Variants in KATNIP observed in about 807,000 individuals in gnomAD.
KATNIP encodes the protein katanin interacting protein, also known as katanin-interacting protein.
A neutral mutation model predicts 174.0 loss-of-function variants in KATNIP; 126 were observed. The ratio of observed to expected loss-of-function variants is 0.72; its 90% CI spans 0.63 to 0.84. The LOEUF (loss-of-function observed/expected upper bound fraction) is 0.84. Among genes scored for constraint, KATNIP ranks in the 40% least tolerant of loss-of-function variants. The pLI is 0.00. For missense variants in KATNIP, 1,958 were observed against 2,109.7 expected, an observed-to-expected ratio of 0.93 and a Z score of 1.41; for synonymous variants, 810 against 835.7, an observed-to-expected ratio of 0.97 and a Z score of 0.53.
chr16:27,693,596 C>G (rs1211936952), intron 8 of KATNIP, among the ~76,000 whole-genome samples: 1 of 151,234 alleles, frequency 6.6e-6, no homozygotes, highest in African/African-American at 2.4e-5. Context: ...ACCATGTTGG[C>G]CAGGCTGGTC....
chr16:27,751,948 T>TG, intron 17 of KATNIP, 24 bp downstream of exon 17: 1 of 1,572,478 alleles, frequency 6.4e-7, no homozygotes, highest in Non-Finnish European at 8.6e-7. Flanking sequence ...TGGGGGGCTG[T>TG]GGGGGGACCC....
rs548429646 is a variant in KATNIP at position 27,572,513 on chromosome 16, G to A, written c.8-1388G>A. On this transcript the variant is annotated intron_variant, in intron 1 of 27. Transcript: ENST00000261588. ...TGGCTGGTAGTAACTCAGCATGACA[G>A]CTCACACACGGAGATAGCCCTGCCC... 2.6e-5 allele frequency among the ~76,000 whole-genome samples: 4 copies of A among 152,056 alleles called. No individual in the cohort carries two copies. In the South Asian group the frequency reaches 8.3e-4, roughly 31 times the overall value.
intron 3 of KATNIP, among the ~76,000 whole-genome samples, chr16:27,626,617 C>A (rs1445174153): frequency 6.6e-6 from 1 of 152,096 alleles, no homozygotes; most frequent in Non-Finnish European, 1.5e-5. Context: ...AGTTCTTTAA[C>A]CTTTCTATGC....
intron 1 of KATNIP, among the ~76,000 whole-genome samples, chr16:27,566,829 A>G (rs955173793): frequency 1.8e-4 from 27 of 152,236 alleles, no homozygotes; most frequent in Admixed American, 1.8e-3. Context: ...GTGCTCAGAA[A>G]GCACTGGAGA....
At chr16:27,588,102 G>T (rs1013426839) in intron 2 of KATNIP, among the ~76,000 whole-genome samples, 2 of 151,748 alleles carry the variant, frequency 1.3e-5, no homozygotes, top group Non-Finnish European at 2.9e-5. Flanking sequence ...ATTTTGCCCA[G>T]GCTGGTCTTG....
At chr16:27,672,334 C>T (rs1193508889) in intron 6 of KATNIP, among the ~76,000 whole-genome samples, 1 of 152,202 alleles carries the variant, frequency 6.6e-6, no homozygotes, top group South Asian at 2.1e-4. Context: ...CCTTCCCTGA[C>T]CACCATTCAT....
chr16:27,647,291 A>C (rs577486852), intron 5 of KATNIP, among the ~76,000 whole-genome samples: 23 of 152,298 alleles, frequency 1.5e-4, no homozygotes, highest in Admixed American at 4.6e-4. Context: ...GGATATCTGC[A>C]GTGTGAGTAT....
At chr16:27,551,441 A>G (rs1180355718) in intron 1 of KATNIP, among the ~76,000 whole-genome samples, 4 of 152,220 alleles carry the variant, frequency 2.6e-5, no homozygotes, top group African/African-American at 7.2e-5. Context: ...TAATGTTGCT[A>G]TAGAACATCA....
intron 2 of KATNIP, among the ~76,000 whole-genome samples, chr16:27,596,327 CA>C (rs2075335320): frequency 6.6e-6 from 1 of 152,030 alleles, no homozygotes; most frequent in Non-Finnish European, 1.5e-5. Flanking sequence ...AGAAAAAAAA[CA>C]AGACCTCTAA....
chr16:27,755,415 T>C (rs2081683441), intron 18 of KATNIP: 1 of 152,138 alleles, frequency 6.6e-6, no homozygotes, highest in Non-Finnish European at 1.5e-5. Flanking sequence ...GGTGTGCTCT[T>C]GTCAGGGAAG....
chr16:27,584,083 C>G lies in KATNIP; in HGVS notation c.63+10127C>G, dbSNP rs1338869161. 3.0e-4 allele frequency among the ~76,000 whole-genome samples: 46 copies of G among 152,094 alleles called. 1 individual carries two copies. Among genetic ancestry groups the G allele is most frequent in the Admixed American group, 3.0e-3 (46 of 15,266 alleles). ...ATATAGAATGGGGATAGTGGCAGCA[C>G]CTGTCTCACTAGGTGGTCAGGGTGC... On this transcript the variant is annotated intron_variant, in intron 2 of 27. Transcript: ENST00000261588.
rs1367735149 is a variant in KATNIP at position 27,777,032 on chromosome 16, A to G, written c.4551+3A>G. 1 of 1,590,778 alleles carries G rather than the reference A, an allele frequency of 6.3e-7. No homozygotes were observed. The highest frequency in any genetic ancestry group is 2.2e-5 in the East Asian group (1 of 44,722). ...ATCGAGGGGTGAAGGAGTTTGGCGT[A>G]AGTACTTATTAGCTGAGTTTTTTGA... On this transcript the variant is annotated splice_donor_region_variant and intron_variant, in intron 25 of 27. Transcript: ENST00000261588. The surrounding 1 kb of genome is among the most constrained non-coding windows in gnomAD (Gnocchi z 4.4).
chr16:27,701,039 A>T (rs1321779094), intron 10 of KATNIP, among the ~76,000 whole-genome samples: 3 of 152,216 alleles, frequency 2.0e-5, no homozygotes, highest in Non-Finnish European at 4.4e-5. Context: ...AAAGAAGGGG[A>T]AAAGGCTCAG....
chr16:27,740,930 A>G lies in KATNIP; in HGVS notation c.2623+10A>G. 3 of 1,580,352 alleles carry G rather than the reference A, an allele frequency of 1.9e-6. No homozygotes were observed. Among genetic ancestry groups the G allele is most frequent in the Non-Finnish European group, 2.6e-6 (3 of 1,163,120 alleles). Reference sequence around the variant, plus strand: ...CAGCCAGCCAGCAGAGGTAAGCTCCAAAGAGCAGCCCGACTTGGGCATCAT... The same window carrying G: ...CAGCCAGCCAGCAGAGGTAAGCTCCGAAGAGCAGCCCGACTTGGGCATCAT... On this transcript the variant is annotated intron_variant, in intron 15 of 27. Transcript: ENST00000261588.
chr16:27,682,945 C>G (rs751172303), intron 8 of KATNIP, among the ~76,000 whole-genome samples: 3 of 152,106 alleles, frequency 2.0e-5, no homozygotes, highest in Non-Finnish European at 4.4e-5. Flanking sequence ...TGCACTGCCT[C>G]GAGACTCTGC....
At chr16:27,619,901 C>T (rs60255468) in intron 3 of KATNIP, among the ~76,000 whole-genome samples, 4,223 of 152,236 alleles carry the variant, frequency 0.028, 203 homozygotes, top group African/African-American at 0.095. Context: ...ATTAGACCGA[C>T]GTGGGTTTCC....
At chr16:27,674,018 G>T (rs2078017345) in intron 6 of KATNIP, among the ~76,000 whole-genome samples, 1 of 152,156 alleles carries the variant, frequency 6.6e-6, no homozygotes, top group Non-Finnish European at 1.5e-5. Flanking sequence ...GGGTGTGGTG[G>T]CTCATACCTG....
intron 2 of KATNIP, among the ~76,000 whole-genome samples, chr16:27,603,572 G>T (rs1475378226): frequency 1.3e-5 from 2 of 151,868 alleles, no homozygotes; most frequent in African/African-American, 4.8e-5. Context: ...GGAAGAGGGA[G>T]CCCCTCCCCT....
At chr16:27,654,331 C>T (rs1410447399) in intron 6 of KATNIP, among the ~76,000 whole-genome samples, 14 of 152,170 alleles carry the variant, frequency 9.2e-5, no homozygotes, top group Admixed American at 9.2e-4. Flanking sequence ...TACACTGGTA[C>T]TCACTCAACT....
Sources: allele counts gnomAD v4.1 joint callset (sites outside exome capture counted in the v4.1 genomes callset), GRCh38; gene constraint gnomAD v4.1.1; non-coding constraint Gnocchi (gnomAD v3.1); transcripts MANE v1.5; gene names NCBI Gene and HGNC (gene_info 2026-07-23, HGNC 2026-07-21).